PTH1R: variants seen among roughly 807,000 people sequenced by gnomAD.
The protein encoded by PTH1R is parathyroid hormone/parathyroid hormone-related peptide receptor.
Under a neutral mutation model 70.7 loss-of-function variants are expected in PTH1R, and 32 were observed. The observed-to-expected ratio is 0.45, with a 90% CI of 0.34 to 0.61. PTH1R has a LOEUF of 0.61. PTH1R is among the 20% of genes least tolerant of loss of function. The probability of loss-of-function intolerance (pLI) is 0.01; values close to 1 mark genes in which losing one functional copy is unlikely to be tolerated. For synonymous variants in PTH1R, 329 were observed against 324.8 expected (o/e 1.01, Z -0.14); for missense variants, 626 against 792.5 (o/e 0.79, Z 2.52).
chr3:46,898,298 T>C lies in PTH1R; in HGVS notation c.544-80T>C, dbSNP rs2031878276. The C allele has an allele frequency of 1.9e-6, 3 of 1,572,144 alleles. No homozygotes were observed. In the South Asian group the frequency reaches 3.3e-5, roughly 17 times the overall value. ...CCTGACCTTGACTCCTCCAGCAACC[T>C]TACCCTGGCCTCTTGCTCTTACCCT... On this transcript the variant is annotated intron_variant, in intron 7 of 15. Coordinates refer to ENST00000449590, the MANE Select transcript of PTH1R (RefSeq NM_000316.3).
rs1481987831 is a variant in PTH1R, at chr3:46,882,353, CGAGAGCTCCAT to C, written c.-48-1156_-48-1146del. On this transcript the variant is annotated intron_variant, in intron 2 of 15. Coordinates refer to ENST00000449590, the MANE Select transcript of PTH1R (RefSeq NM_000316.3). The surrounding 1 kb of genome is among the most constrained non-coding windows in gnomAD (Gnocchi z 4.3). ...CCAGGCCGGCCAGCGGGGGGTATCC[CGAGAGCTCCAT>C]GAAGTCCCCCCGGGGCCGCGGACGG... 6.6e-6 allele frequency: 1 copy of C among 151,784 alleles called. No individual in the cohort carries two copies. The highest frequency in any genetic ancestry group is 2.4e-5 in the African/African-American group (1 of 41,306). The allele number at this position is 151,784 out of a possible 1,614,324, so 9.4% of individuals were successfully genotyped here.
At position 46,901,084 on chromosome 3, in the gene PTH1R, G is replaced by T; in HGVS notation, c.1048G>T (p.Gly350Trp). The T allele has an allele frequency of 3.2e-6, 5 of 1,575,848 alleles. No homozygotes were observed. The highest frequency in any genetic ancestry group is 4.3e-6 in the Non-Finnish European group (5 of 1,159,344). Residue 350 changes from glycine to tryptophan, a missense_variant and splice_region_variant, in exon 11 of 16, where the codon GGG becomes TGG. Physicochemically the swap from Gly to Trp is radical, Grantham distance 184 (BLOSUM62 -2). Transcript: ENST00000449590. This position sits in a 1 kb window ranked among gnomAD's most constrained non-coding sequence, Gnocchi z 7.3. ...TGTCAGAGCTACCCTGGCCAACACC[G>T]GGTAGGTCCAGGTGGAGAAGGGGCC... is the stretch of plus-strand genomic sequence containing the variant. ...VSVRATLANT[G>W]CWDLSSGNKK... is the part of the protein sequence containing the mutation.
chr3:46,900,515 C>T (rs1172266040), intron 10 of PTH1R, among the ~76,000 whole-genome samples: 1 of 152,106 alleles, frequency 6.6e-6, no homozygotes, highest in African/African-American at 2.4e-5. Context: ...TGGCGCAGGC[C>T]AGGACATACT....
In PTH1R at chr3:46,895,096, A is replaced by C. The variant is rs112204364; in HGVS notation, c.179-639A>C. Among the ~76,000 whole-genome samples, 1,066 of 150,240 alleles carry C rather than the reference A, an allele frequency of 7.1e-3. 32 individuals are homozygous for C. The highest frequency in any genetic ancestry group is 0.021 in the African/African-American group (851 of 41,132). ...AAAACAAAAAAAACAAACAAACAAA[A>C]AAAAAAAACGTCCAGCATCTCTCCA... On this transcript the variant is annotated intron_variant, in intron 4 of 15. Transcript: ENST00000449590.
intron 7 of PTH1R, 32 bp downstream of exon 7, chr3:46,898,224 G>A (rs527602128): frequency 6.2e-7 from 1 of 1,609,510 alleles, no homozygotes; most frequent in Admixed American, 1.7e-5. Flanking sequence ...AACCTGACCA[G>A]GATAAATTCA....
Position 46,882,907 on chromosome 3 carries a change from C to T in PTH1R, c.-48-605C>T, listed in dbSNP as rs2030709939. 6.6e-6 allele frequency among the ~76,000 whole-genome samples: 1 copy of T among 151,406 alleles called. No homozygotes were observed. Among genetic ancestry groups the T allele is most frequent in the Non-Finnish European group, 1.5e-5 (1 of 67,806 alleles). On this transcript the variant is annotated intron_variant, in intron 2 of 15. Coordinates refer to ENST00000449590, the MANE Select transcript of PTH1R (RefSeq NM_000316.3). The surrounding 1 kb of genome is among the most constrained non-coding windows in gnomAD (Gnocchi z 4.3). The stretch of plus-strand genomic sequence containing the variant: ...AGGAGGCCGAACGGCCGGGGGCTGG[C>T]GGCCGGAACACCTAAGGGCTCAGTG...
Position 46,901,596 on chromosome 3 carries a change from C to T in PTH1R, c.1116+116C>T, listed in dbSNP as rs894844631. ...TCCCTGGACCCCAGTGTCAGAGCTA[C>T]AGAGGCCGGAGGACCAGCTGATCCA... On this transcript the variant is annotated intron_variant, in intron 12 of 15. Transcript: ENST00000449590. The surrounding 1 kb of genome is among the most constrained non-coding windows in gnomAD (Gnocchi z 7.3). 3.6e-6 allele frequency: 5 copies of T among 1,401,924 alleles called. No homozygotes were observed. In the African/African-American group the frequency reaches 4.3e-5, roughly 12 times the overall value. The allele number at this position is 1,401,924 out of a possible 1,614,324, so 86.8% of individuals were successfully genotyped here.
rs944217047 is a variant in PTH1R at position 46,902,178 on chromosome 3, C to T, written c.1211+318C>T. 3.9e-5 allele frequency among the ~76,000 whole-genome samples: 6 copies of T among 152,162 alleles called. No homozygotes were observed. The highest frequency in any genetic ancestry group is 1.4e-4 in the African/African-American group (6 of 41,430). On this transcript the variant is annotated intron_variant, in intron 13 of 15. Coordinates refer to ENST00000449590, the MANE Select transcript of PTH1R (RefSeq NM_000316.3). This position sits in a 1 kb window ranked among gnomAD's most constrained non-coding sequence, Gnocchi z 5.4. ...GGAACAGGTAGGCGGTGAGTGGCCC[C>T]GGGAAGGCTGCAGCTCAGCTGAAAC...
chr3:46,891,446 G>A lies in PTH1R; in HGVS notation c.76-2461G>A, dbSNP rs1447709893. On this transcript the variant is annotated intron_variant, in intron 3 of 15. Transcript: ENST00000449590. This position sits in a 1 kb window ranked among gnomAD's most constrained non-coding sequence, Gnocchi z 4.3. Reference sequence around the variant, plus strand: ...GACCCCCAGTCATATCAGTAGGCTGGTCTGTCTGTTGGGAGGCCCAGGGAG... The same window carrying A: ...GACCCCCAGTCATATCAGTAGGCTGATCTGTCTGTTGGGAGGCCCAGGGAG... Among the ~76,000 whole-genome samples the A allele has an allele frequency of 1.3e-5, 2 of 152,238 alleles. No homozygotes were observed. Among genetic ancestry groups the A allele is most frequent in the Non-Finnish European group, 2.9e-5 (2 of 68,034 alleles).
At position 46,892,315 on chromosome 3, in the gene PTH1R, C is replaced by T. The variant is rs201767368; in HGVS notation, c.76-1592C>T. Among the ~76,000 whole-genome samples, 17 of 152,352 alleles carry T rather than the reference C, an allele frequency of 1.1e-4. No homozygotes were observed. The highest frequency in any genetic ancestry group is 4.8e-5 in the African/African-American group (2 of 41,574). On this transcript the variant is annotated intron_variant, in intron 3 of 15. Transcript: ENST00000449590. The surrounding 1 kb of genome is among the most constrained non-coding windows in gnomAD (Gnocchi z 5.2). The stretch of plus-strand genomic sequence containing the variant: ...GCCGCCTCACTCACAGACGCACACA[C>T]GCCGCCCTATGCCCAGAAATACATG...
chr3:46,880,671 G>A (rs1389524519), intron 1 of PTH1R, among the ~76,000 whole-genome samples: 1 of 152,148 alleles, frequency 6.6e-6, no homozygotes, highest in Non-Finnish European at 1.5e-5. Context: ...AGGTTGCAGT[G>A]AGCAGAGATC....
Position 46,883,439 on chromosome 3 carries a change from C to T in PTH1R, c.-48-73C>T. ...CCCGGGGCCTCGGGCCGCCGGGACG[C>T]CGGGGTCCCATAGGCCGGGGCGTGG... On this transcript the variant is annotated intron_variant, in intron 2 of 15. Coordinates refer to ENST00000449590, the MANE Select transcript of PTH1R (RefSeq NM_000316.3). The surrounding 1 kb of genome is among the most constrained non-coding windows in gnomAD (Gnocchi z 6.4). 1.2e-6 allele frequency: 1 copy of T among 841,074 alleles called. No homozygotes were observed. 52.1% of individuals were successfully genotyped at this position (841,074 alleles called of 1,614,324 possible).
chr3:46,878,872 T>C (rs2030388312), intron 1 of PTH1R, among the ~76,000 whole-genome samples: 1 of 152,158 alleles, frequency 6.6e-6, no homozygotes, highest in Non-Finnish European at 1.5e-5. Flanking sequence ...GGCCCCAGCC[T>C]GGGGATTAGA....
At chr3:46,895,971 G>GA in intron 5 of PTH1R, 102 bp downstream of exon 5, 4 of 1,440,604 alleles carry the variant, frequency 2.8e-6, no homozygotes, top group Non-Finnish European at 3.8e-6. Flanking sequence ...GGCTCTTATA[G>GA]AAAGTAAAAG....
At position 46,898,769 on chromosome 3, in the gene PTH1R, C is replaced by T. The variant is rs745456126; in HGVS notation, c.746C>T (p.Thr249Met). 3.1e-6 allele frequency: 5 copies of T among 1,605,436 alleles called. No homozygotes were observed. In the East Asian group the frequency reaches 1.1e-4, roughly 36 times the overall value. Residue 249 changes from threonine (T) to methionine (M), a missense_variant, in exon 9 of 16, where the codon ACG becomes ATG. Thr to Met is a moderately conservative substitution (Grantham distance 81, BLOSUM62 -1). Transcript: ENST00000449590. Reference sequence around the variant, plus strand: ...GACGCTGTGCTCTACTCTGGCGCCACGCTTGATGAGGCTGAGCGCCTCACC... The same window carrying T: ...GACGCTGTGCTCTACTCTGGCGCCATGCTTGATGAGGCTGAGCGCCTCACC... ...VKDAVLYSGA[T>M]LDEAERLTEE...
chr3:46,882,668 G>A lies in PTH1R; in HGVS notation c.-48-844G>A, dbSNP rs1319128295. On this transcript the variant is annotated intron_variant, in intron 2 of 15. Transcript: ENST00000449590. This position sits in a 1 kb window ranked among gnomAD's most constrained non-coding sequence, Gnocchi z 4.3. ...TGCAAATGTTTTCGTAGAGAGAAAA[G>A]GGGGAGGGAGGGAGCGAGGGAGTGA... Among the ~76,000 whole-genome samples the A allele has an allele frequency of 6.6e-6, 1 of 152,026 alleles. No homozygotes were observed. The highest frequency in any genetic ancestry group is 1.5e-5 in the Non-Finnish European group (1 of 67,972).
At chr3:46,878,280 C>G (rs868324204) in intron 1 of PTH1R, among the ~76,000 whole-genome samples, 1 of 152,340 alleles carries the variant, frequency 6.6e-6, no homozygotes, top group African/African-American at 2.4e-5. Context: ...AAAGTGGCAC[C>G]TCGCTTCACT....
rs758673796 is a variant in PTH1R at position 46,902,569 on chromosome 3, G to A, written c.1255G>A (p.Val419Ile). 31 of 1,613,308 alleles carry A rather than the reference G, an allele frequency of 1.9e-5. No individual in the cohort carries two copies. Among genetic ancestry groups the A allele is most frequent in the Middle Eastern group, 3.6e-4 (2 of 5,556 alleles). The change falls in exon 14 of 16, where the codon GTC becomes ATC. Residue 419 changes from valine (V) to isoleucine (I), a missense_variant. Val to Ile is a conservative substitution (Grantham distance 29). Coordinates refer to ENST00000449590, the MANE Select transcript of PTH1R (RefSeq NM_000316.3). This position sits in a 1 kb window ranked among gnomAD's most constrained non-coding sequence, Gnocchi z 5.4. Reference protein sequence around the residue: ...STLVLMPLFGVHYIVFMATPY... With the variant: ...STLVLMPLFGIHYIVFMATPY... ...GCTGGTGCTCATGCCCCTCTTTGGC[G>A]TCCACTACATTGTCTTCATGGCCAC...
intron 3 of PTH1R, among the ~76,000 whole-genome samples, chr3:46,888,568 T>C (rs1340930849): frequency 6.6e-6 from 1 of 152,214 alleles, no homozygotes; most frequent in Non-Finnish European, 1.5e-5. Flanking sequence ...TGAAATTGTC[T>C]GCAAAATACG....
Sources: allele counts gnomAD v4.1 joint callset (sites outside exome capture counted in the v4.1 genomes callset), GRCh38; gene constraint gnomAD v4.1.1; non-coding constraint Gnocchi (gnomAD v3.1); transcripts MANE v1.5; gene names NCBI Gene and HGNC (gene_info 2026-07-23, HGNC 2026-07-21).